Variants in IRX6 observed in about 807,000 individuals in gnomAD.
IRX6 encodes the protein iroquois-class homeodomain protein IRX-6.
A neutral mutation model predicts 47.7 loss-of-function variants in IRX6; 46 were observed. The observed-to-expected ratio is 0.96, with a 90% CI of 0.76 to 1.23. IRX6 has a LOEUF of 1.23. IRX6 is among the 50% of genes most tolerant of loss of function. IRX6 has a pLI of 0.00. For missense variants in IRX6, 722 were observed against 588.0 expected, an observed-to-expected ratio of 1.23 and a Z score of -2.36; for synonymous variants, 265 against 246.2, an observed-to-expected ratio of 1.08 and a Z score of -0.72.
At chr16:55,329,670 C>T (rs1960608701) in intron 5 of IRX6, among the ~76,000 whole-genome samples, 1 of 135,126 alleles carries the variant, frequency 7.4e-6, no homozygotes, top group African/African-American at 2.8e-5. Context: ...TGTCCCCTGC[C>T]TGCCTTTCAG....
At chr16:55,325,856 G>T (rs1353439887) in intron 1 of IRX6, 2 of 156,678 alleles carry the variant, frequency 1.3e-5, no homozygotes, top group Non-Finnish European at 2.8e-5. Flanking sequence ...GTCTAGTGCC[G>T]GCTCGACCTT....
intron 3 of IRX6, 36 bp downstream of exon 3, chr16:55,327,441 A>T (rs1167951357): frequency 1.9e-6 from 3 of 1,582,386 alleles, no homozygotes; most frequent in Admixed American, 3.3e-5. Context: ...TGGCACTGTG[A>T]GTCTTTCCTC....
At position 55,324,955 on chromosome 16, in the gene IRX6, C is replaced by T. The variant is rs1960482398; in HGVS notation, c.-137C>T. The stretch of plus-strand genomic sequence containing the variant: ...CCCTCGGCTCTGCCTCCACTGGGGC[C>T]AACCAGGCGAAGGAACCGGCGCTGG... On this transcript the variant is annotated 5_prime_UTR_variant, in exon 1 of 6. Coordinates refer to ENST00000290552, the MANE Select transcript of IRX6 (RefSeq NM_024335.3). The surrounding 1 kb of genome is among the most constrained non-coding windows in gnomAD (Gnocchi z 4.4). The T allele has an allele frequency of 8.7e-6, 8 of 916,840 alleles. No individual in the cohort carries two copies. The Admixed American group carries it at 1.0e-4, about 12-fold the overall frequency. 56.8% of individuals were successfully genotyped at this position (916,840 alleles called of 1,614,324 possible).
At chr16:55,325,171 C>T (rs1460189603) in intron 1 of IRX6, 35 bp downstream of exon 1, 1 of 1,607,262 alleles carries the variant, frequency 6.2e-7, no homozygotes, top group Non-Finnish European at 8.5e-7. Flanking sequence ...AGGGGACAGA[C>T]TGGGTGGAGG....
rs1567338584 is a variant in IRX6, at chr16:55,325,551, GAGAGAGAGAGAAAGAA to G, written c.45+421_45+436del. On this transcript the variant is annotated intron_variant, in intron 1 of 5. Coordinates refer to ENST00000290552, the MANE Select transcript of IRX6 (RefSeq NM_024335.3). ...GGAAGGAGAGAGAGAGAGAGAGAGA[GAGAGAGAGAGAAAGAA>G]AGAGAAAGAAAGAAAGAAGGAAAGA... Among the ~76,000 whole-genome samples the G allele has an allele frequency of 2.2e-4, 17 of 76,600 alleles. 5 individuals carry two copies. The highest frequency in any genetic ancestry group is 1.9e-3 in the East Asian group (4 of 2,052). 50.3% of individuals were successfully genotyped at this position (76,600 alleles called of 152,430 possible).
intron 5 of IRX6, among the ~76,000 whole-genome samples, 175 bp from the exon 6 acceptor site, chr16:55,330,122 GA>G (rs1280120894): frequency 2.0e-5 from 3 of 152,232 alleles, no homozygotes; most frequent in African/African-American, 7.2e-5. Flanking sequence ...TGCTGGCTTA[GA>G]AAAGTGGGTT....
rs1960483833 is a variant in IRX6 at position 55,325,032 on chromosome 16, A to G, written c.-60A>G. 1.3e-6 allele frequency: 2 copies of G among 1,573,196 alleles called. No homozygotes were observed. Among genetic ancestry groups the G allele is most frequent in the African/African-American group, 1.3e-5 (1 of 74,128 alleles). On this transcript the variant is annotated 5_prime_UTR_variant, in exon 1 of 6. Transcript: ENST00000290552. ...GACACCTCACTGCTGGGGGCGCGGA[A>G]CAGCTGGGCTGAGACGGGAACTCGA...
In IRX6 at chr16:55,328,723, C is replaced by CG; in HGVS notation, c.750dup (p.Leu251AlafsTer5). Reference sequence around the variant, plus strand: ...AGAAGTTACTGCTAGCCAGGAGGCCCGGGGGCTCCGGCTGAGTGACCTGGA... The same window carrying CG: ...AGAAGTTACTGCTAGCCAGGAGGCCCGGGGGGCTCCGGCTGAGTGACCTGGA... On this transcript the variant is annotated frameshift_variant, in exon 5 of 6. Transcript: ENST00000290552. LOFTEE classifies it high-confidence loss of function. 6.2e-7 allele frequency: 1 copy of CG among 1,613,128 alleles called. No homozygotes were observed. The highest frequency in any genetic ancestry group is 2.2e-5 in the East Asian group (1 of 44,868).
intron 4 of IRX6, among the ~76,000 whole-genome samples, chr16:55,328,463 C>CAT (rs376742603): frequency 0.31 from 47,035 of 152,114 alleles, 7,418 homozygotes; most frequent in East Asian, 0.47. Flanking sequence ...TGGCACTGCT[C>CAT]GCTAGAGGAG....
At chr16:55,329,758 C>T (rs1170257617) in intron 5 of IRX6, among the ~76,000 whole-genome samples, 1 of 152,202 alleles carries the variant, frequency 6.6e-6, no homozygotes, top group Admixed American at 6.5e-5. Context: ...TTAGAGAAGT[C>T]TAAGACTGTG....
At chr16:55,327,926 G>A in intron 4 of IRX6, 33 bp downstream of exon 4, 1 of 1,547,132 alleles carries the variant, frequency 6.5e-7, no homozygotes, top group Non-Finnish European at 8.7e-7. Context: ...CACCTTAAGG[G>A]TTTTACAAGT....
intron 1 of IRX6, among the ~76,000 whole-genome samples, chr16:55,325,601 AAAAG>A (rs1234877753): frequency 1.3e-5 from 2 of 148,848 alleles, no homozygotes; most frequent in African/African-American, 2.5e-5. Flanking sequence ...GAAAGAAAGA[AAAAG>A]AAAGAGAAAG....
chr16:55,324,705 C>T lies in IRX6; in HGVS notation c.-387C>T. The stretch of plus-strand genomic sequence containing the variant: ...TCCCGGGGCCCGGGGTCCCGTCTGG[C>T]GGCCCGGGATTACCGTGACGTCACA... On this transcript the variant is annotated 5_prime_UTR_variant, in exon 1 of 6. Transcript: ENST00000290552. This position sits in a 1 kb window ranked among gnomAD's most constrained non-coding sequence, Gnocchi z 4.4. The T allele has an allele frequency of 4.5e-6, 1 of 220,310 alleles. No homozygotes were observed. The highest frequency in any genetic ancestry group is 7.4e-5 in the South Asian group (1 of 13,488). The allele number at this position is 220,310 out of a possible 1,614,324, so 13.6% of individuals were successfully genotyped here. A position where few individuals can be genotyped will look rare whatever the true frequency, so the allele number is the denominator to read the frequency against.
At position 55,324,822 on chromosome 16, in the gene IRX6, G is replaced by T. The variant is rs1960480019; in HGVS notation, c.-270G>T. 2 of 539,532 alleles carry T rather than the reference G, an allele frequency of 3.7e-6. No homozygotes were observed. The highest frequency in any genetic ancestry group is 6.5e-5 in the East Asian group (2 of 30,690). The allele number at this position is 539,532 out of a possible 1,614,324, so 33.4% of individuals were successfully genotyped here. On this transcript the variant is annotated 5_prime_UTR_variant, in exon 1 of 6. Transcript: ENST00000290552. This position sits in a 1 kb window ranked among gnomAD's most constrained non-coding sequence, Gnocchi z 4.4. The stretch of plus-strand genomic sequence containing the variant: ...TCACCTCGCCACCACGCGCCTTTGG[G>T]AACCCGCATCTTCTTCCTTCCCCTG...
In IRX6 at chr16:55,330,310, A is replaced by C; in HGVS notation, c.*5A>C. Reference sequence around the variant, plus strand: ...TTTCCTCTCTCAGCAGGTTAGCGCAATGGCTGCGATTTGCGAAAGAATCTT... The same window carrying C: ...TTTCCTCTCTCAGCAGGTTAGCGCACTGGCTGCGATTTGCGAAAGAATCTT... On this transcript the variant is annotated 3_prime_UTR_variant, in exon 6 of 6. Coordinates refer to ENST00000290552, the MANE Select transcript of IRX6 (RefSeq NM_024335.3). 1 of 1,613,872 alleles carries C rather than the reference A, an allele frequency of 6.2e-7. No homozygotes were observed. The highest frequency in any genetic ancestry group is 8.5e-7 in the Non-Finnish European group (1 of 1,179,750).
rs1960522100 is a variant in IRX6, at chr16:55,326,318, T to A, written c.46-18T>A. 2.5e-6 allele frequency: 4 copies of A among 1,594,416 alleles called. No homozygotes were observed. The highest frequency in any genetic ancestry group is 3.4e-6 in the Non-Finnish European group (4 of 1,166,806). On this transcript the variant is annotated intron_variant, in intron 1 of 5. Transcript: ENST00000290552. Reference sequence around the variant, plus strand: ...GGGGGGTCTCTGACCTCCAGTGCCCTCTTTCTTGCCCCTATAGTTTCTGGC... The same window carrying A: ...GGGGGGTCTCTGACCTCCAGTGCCCACTTTCTTGCCCCTATAGTTTCTGGC...
Position 55,328,845 on chromosome 16 carries a change from G to T in IRX6, c.867G>T (p.Ala289=), listed in dbSNP as rs764816915. ...GDRLTEFRKG[A]QSLPGPCAAA... The stretch of plus-strand genomic sequence containing the variant: ...GGCTGACGGAGTTCCGAAAGGGCGC[G>T]CAGTCACTGCCTGGGCCGTGCGCTG... The change falls in exon 5 of 6, where the codon GCG becomes GCT. Residue 289 remains alanine, a synonymous_variant. Transcript: ENST00000290552. 1.6e-5 allele frequency: 25 copies of T among 1,612,854 alleles called. No individual in the cohort carries two copies. The South Asian group carries it at 2.0e-4, about 13-fold the overall frequency.
At chr16:55,329,612 C>G (rs1960607467) in intron 5 of IRX6, among the ~76,000 whole-genome samples, 1 of 152,164 alleles carries the variant, frequency 6.6e-6, no homozygotes, top group East Asian at 1.9e-4. Flanking sequence ...AGTGTACTGC[C>G]AAATCCACCA....
chr16:55,327,937 C>T, intron 4 of IRX6, 44 bp downstream of exon 4: 3 of 1,537,516 alleles, frequency 2.0e-6, no homozygotes, highest in Non-Finnish European at 2.6e-6. Flanking sequence ...TTTTACAAGT[C>T]ATCAAGCAGT....
Sources: allele counts gnomAD v4.1 joint callset (sites outside exome capture counted in the v4.1 genomes callset), GRCh38; gene constraint gnomAD v4.1.1; non-coding constraint Gnocchi (gnomAD v3.1); transcripts MANE v1.5; gene names NCBI Gene and HGNC (gene_info 2026-07-23, HGNC 2026-07-21).